Variants in GAS2L3 observed in about 807,000 individuals in gnomAD.
GAS2L3 encodes growth arrest specific 2 like 3.
GAS2L3 carries 28 observed loss-of-function variants against 37.0 expected under a neutral mutation model. That is an observed-to-expected ratio of 0.76 (90% CI 0.56 to 1.04). The LOEUF is 1.04. Ranked by LOEUF, GAS2L3 falls within the 50% of genes least tolerant of loss-of-function variation. The pLI is 0.00. For missense variants in GAS2L3, 793 were observed against 817.6 expected (o/e 0.97, Z 0.37); for synonymous variants, 290 against 296.6 (o/e 0.98, Z 0.23).
At chr12:100,605,509 A>T (rs1956045409) in intron 5 of GAS2L3, among the ~76,000 whole-genome samples, 2 of 151,516 alleles carry the variant, frequency 1.3e-5, no homozygotes, top group South Asian at 4.2e-4. Flanking sequence ...TCTGATTTTC[A>T]TTATTTCTTT....
chr12:100,585,614 A>G (rs1955770995), intron 1 of GAS2L3, among the ~76,000 whole-genome samples: 1 of 152,162 alleles, frequency 6.6e-6, no homozygotes, highest in South Asian at 2.1e-4. Context: ...CATCACCCTC[A>G]TCTCAGTAAA....
intron 1 of GAS2L3, among the ~76,000 whole-genome samples, chr12:100,583,328 A>G (rs570114973): frequency 1.3e-3 from 191 of 152,362 alleles, no homozygotes; most frequent in Admixed American, 3.9e-3. Context: ...GAGAGCCATC[A>G]TTCTGTCTAC....
Position 100,627,978 on chromosome 12 carries a change from T to G in GAS2L3, c.*3088T>G, listed in dbSNP as rs192330799. 7 of 152,336 alleles carry G rather than the reference T, an allele frequency of 4.6e-5. No homozygotes were observed. The East Asian group carries it at 1.2e-3, about 25-fold the overall frequency. The allele number at this position is 152,336 out of a possible 1,614,324, so 9.4% of individuals were successfully genotyped here. A position where few individuals can be genotyped will look rare whatever the true frequency, so the allele number is the denominator to read the frequency against. ...AAAGTAGGTATTTAAGGTTTATGTG[T>G]TCAAAATGCCTTGGTAAATTGGATG... On this transcript the variant is annotated 3_prime_UTR_variant, in exon 10 of 10. Transcript: ENST00000547754.
chr12:100,617,521 G>A (rs1187230252), intron 6 of GAS2L3, among the ~76,000 whole-genome samples: 1 of 151,968 alleles, frequency 6.6e-6, no homozygotes, highest in Non-Finnish European at 1.5e-5. Context: ...GCAAATAAAG[G>A]TCCATGGTAA....
At chr12:100,592,003 A>G (rs2136427433) in intron 2 of GAS2L3, 147 bp downstream of exon 2, 1 of 152,262 alleles carries the variant, frequency 6.6e-6, no homozygotes, top group African/African-American at 2.4e-5. Context: ...ATCAGAAAGG[A>G]TGTTTTCTTC....
chr12:100,596,608 C>T (rs1955915625), intron 3 of GAS2L3, among the ~76,000 whole-genome samples: 1 of 152,012 alleles, frequency 6.6e-6, no homozygotes, highest in South Asian at 2.1e-4. Context: ...TATTAAGTGC[C>T]TTGCAGAGAG....
chr12:100,575,321 T>C (rs1955621408), intron 1 of GAS2L3, among the ~76,000 whole-genome samples: 1 of 152,028 alleles, frequency 6.6e-6, no homozygotes, highest in African/African-American at 2.4e-5. Flanking sequence ...ATTGACTAAA[T>C]TATACATGTA....
Position 100,612,054 on chromosome 12 carries a change from T to C in GAS2L3, c.358T>C (p.Phe120Leu). 1.2e-6 allele frequency: 2 copies of C among 1,612,006 alleles called. No individual in the cohort carries two copies. Among genetic ancestry groups the C allele is most frequent in the Non-Finnish European group, 1.7e-6 (2 of 1,178,090 alleles). Residue 120 changes from phenylalanine to leucine, a missense_variant, in exon 6 of 10, where the codon TTT becomes CTT. Coordinates refer to ENST00000547754, the MANE Select transcript of GAS2L3 (RefSeq NM_174942.3). The part of the protein sequence containing the change: ...CKKDAASGSF[F>L]ARDNTANFLH... ...GAAAGATGCTGCATCAGGTTCATTC[T>C]TTGCTCGGGACAATACCGCAAACTT...
At chr12:100,575,845 T>A (rs995897614) in intron 1 of GAS2L3, among the ~76,000 whole-genome samples, 14 of 152,212 alleles carry the variant, frequency 9.2e-5, no homozygotes, top group African/African-American at 3.1e-4. Context: ...AGGGTTCACC[T>A]GGAATTCAGT....
intron 1 of GAS2L3, among the ~76,000 whole-genome samples, chr12:100,586,019 TTC>T (rs1955777222): frequency 6.6e-6 from 1 of 152,180 alleles, no homozygotes; most frequent in African/African-American, 2.4e-5. Context: ...ACTCCACCCT[TTC>T]TCTCTCTTCC....
At chr12:100,573,923 G>C (rs117351974) in intron 1 of GAS2L3, 138 bp downstream of exon 1, 3,711 of 152,446 alleles carry the variant, frequency 0.024, 72 homozygotes, top group Middle Eastern at 0.097. Context: ...TGGGTCTCCC[G>C]GCTGCGGGAG....
rs1472867207 is a variant in GAS2L3 at position 100,627,569 on chromosome 12, C to T, written c.*2679C>T. The T allele has an allele frequency of 6.6e-6, 1 of 152,218 alleles. No individual in the cohort carries two copies. Among genetic ancestry groups the T allele is most frequent in the African/African-American group, 2.4e-5 (1 of 41,464 alleles). 9.4% of individuals were successfully genotyped at this position (152,218 alleles called of 1,614,324 possible). On this transcript the variant is annotated 3_prime_UTR_variant, in exon 10 of 10. Transcript: ENST00000547754. ...CTGGGATTACAGGCATGAGCCATCACACCCAGCGAAAAGTTTTGTTTGAAT... is the reference window on the plus strand; with the variant it reads ...CTGGGATTACAGGCATGAGCCATCATACCCAGCGAAAAGTTTTGTTTGAAT...
At chr12:100,616,350 C>T (rs994011868) in intron 6 of GAS2L3, among the ~76,000 whole-genome samples, 21 of 152,218 alleles carry the variant, frequency 1.4e-4, no homozygotes, top group Admixed American at 5.9e-4. Flanking sequence ...TGCTTATTAG[C>T]TCTAACAGTT....
chr12:100,578,052 T>C (rs1487149405), intron 1 of GAS2L3, among the ~76,000 whole-genome samples: 1 of 152,206 alleles, frequency 6.6e-6, no homozygotes, highest in Non-Finnish European at 1.5e-5. Context: ...AAAATGTCCT[T>C]GGATCAGAGT....
intron 1 of GAS2L3, among the ~76,000 whole-genome samples, chr12:100,581,160 G>A (rs1166751859): frequency 6.6e-6 from 1 of 152,204 alleles, no homozygotes; most frequent in Non-Finnish European, 1.5e-5. Context: ...CCCAAAACCA[G>A]CTGCTACCCT....
In GAS2L3 at chr12:100,610,222, C is replaced by T. The variant is rs542878656; in HGVS notation, c.304-1778C>T. Among the ~76,000 whole-genome samples, 3 of 152,238 alleles carry T rather than the reference C, an allele frequency of 2.0e-5. No homozygotes were observed. In the South Asian group the frequency reaches 6.2e-4, roughly 32 times the overall value. Reference sequence around the variant, plus strand: ...AAAGTGATAGTACAAAAATTAGGAACAACCTAAATGTTTATCAACAGAGAA... The same window carrying T: ...AAAGTGATAGTACAAAAATTAGGAATAACCTAAATGTTTATCAACAGAGAA... On this transcript the variant is annotated intron_variant, in intron 5 of 9. Transcript: ENST00000547754.
chr12:100,602,996 TG>T (rs1364864678), intron 5 of GAS2L3, among the ~76,000 whole-genome samples: 4 of 152,184 alleles, frequency 2.6e-5, no homozygotes, highest in African/African-American at 9.6e-5. Context: ...AGTAGCTCAG[TG>T]GTACTCCATT....
intron 2 of GAS2L3, 154 bp from the exon 3 acceptor site, chr12:100,594,721 T>C (rs1052337943): frequency 2.8e-5 from 10 of 350,924 alleles, no homozygotes; most frequent in Middle Eastern, 6.7e-4. Context: ...AGGAGTGATA[T>C]GAATTTTCTT....
intron 4 of GAS2L3, 105 bp downstream of exon 4, chr12:100,600,655 C>A: frequency 1.1e-6 from 1 of 909,678 alleles, no homozygotes; most frequent in Non-Finnish European, 1.7e-6. Flanking sequence ...GCTGGGGATA[C>A]TCCAGTGAAT....
Sources: gnomAD v4.1 joint callset for allele counts (sites outside exome capture counted in the v4.1 genomes callset) on GRCh38, gnomAD v4.1.1 for gene constraint, MANE v1.5 for transcripts, NCBI Gene and HGNC (gene_info 2026-07-23, HGNC 2026-07-21) for gene names.